Variants in CASZ1 observed in about 807,000 individuals in gnomAD.
The protein encoded by CASZ1 is zinc finger protein castor homolog 1.
In CASZ1, 28 loss-of-function variants were observed where a neutral mutation model predicts 135.2. That is an observed-to-expected ratio of 0.21 (90% confidence interval 0.15 to 0.28). The LOEUF is 0.28. CASZ1 is among the 10% of genes least tolerant of loss of function. CASZ1 has a pLI of 1.00. For missense variants in CASZ1, 2,161 were observed against 2,453.3 expected (o/e 0.88, Z 2.52); for synonymous variants, 1,068 against 1,073.4 (o/e 0.99, Z 0.10).
rs79583899 is a variant in CASZ1 at position 10,675,627 on chromosome 1, G to C, written c.17-10056C>G. ...ACTGCGGGCATTAGGAGACCCTGCA[G>C]TTAATGATTCCTGGGGCTGGACCCC... On this transcript the variant is annotated intron_variant, in intron 4 of 20. Coordinates refer to ENST00000377022, the MANE Select transcript of CASZ1 (RefSeq NM_001079843.3). Among the ~76,000 whole-genome samples the C allele has an allele frequency of 3.2e-3, 491 of 152,284 alleles. 21 individuals are homozygous for C. In the East Asian group the frequency reaches 0.081, roughly 25 times the overall value.
rs746020757 is a variant in CASZ1, at chr1:10,649,157, T to A, written c.3071A>T (p.Asp1024Val). The A allele has an allele frequency of 6.2e-7, 1 of 1,613,746 alleles. No individual in the cohort carries two copies. The highest frequency in any genetic ancestry group is 8.5e-7 in the Non-Finnish European group (1 of 1,179,990). ...GTKDFCDGQC[D>V]FLHKAHFHCV... is the part of the protein sequence containing the mutation. ...GTGGAAGTGGGCCTTGTGGAGGAAGTCACACTGGCCGTCACAGAAGTCCTT... is the reference window on the plus strand; with the variant it reads ...GTGGAAGTGGGCCTTGTGGAGGAAGACACACTGGCCGTCACAGAAGTCCTT... Residue 1024 changes from aspartate to valine, a missense_variant, in exon 15 of 21, where the codon GAC becomes GTC. Asp to Val is a radical substitution (Grantham distance 152). This residue lies in a region of CASZ1 where 349 missense variants were observed against 460.8 expected (regional missense o/e 0.76). Coordinates refer to ENST00000377022, the MANE Select transcript of CASZ1 (RefSeq NM_001079843.3).
intron 5 of CASZ1, among the ~76,000 whole-genome samples, chr1:10,664,600 C>T (rs1643166175): frequency 1.3e-5 from 2 of 151,992 alleles, no homozygotes; most frequent in South Asian, 2.1e-4. Context: ...GAGAACAAAG[C>T]TTGTCCTGGG....
In CASZ1 at chr1:10,644,942, G is replaced by A; in HGVS notation, c.3843C>T (p.Thr1281=). 1 of 1,613,850 alleles carries A rather than the reference G, an allele frequency of 6.2e-7. No homozygotes were observed. Among genetic ancestry groups the A allele is most frequent in the East Asian group, 2.2e-5 (1 of 44,878 alleles). The change falls in exon 18 of 21, where the codon ACC becomes ACT. Residue 1281 remains threonine, a synonymous_variant. Transcript: ENST00000377022. ...CTAGCCTGCCACACTCCTCGCGCTT[G>A]GTGAAGTATTTGAAGCCATTGGCTG... is the stretch of plus-strand genomic sequence containing the variant. ...RRAANGFKYF[T]KREECGRLGC...
At chr1:10,714,974 A>G (rs1242413973) in intron 2 of CASZ1, among the ~76,000 whole-genome samples, 1 of 151,888 alleles carries the variant, frequency 6.6e-6, no homozygotes, top group Non-Finnish European at 1.5e-5. Context: ...TATGAGACCC[A>G]CCTGCCGCCG....
In CASZ1 at chr1:10,741,454, C is replaced by T. The variant is rs2100532492; in HGVS notation, c.-77+19247G>A. Among the ~76,000 whole-genome samples, 1 of 152,252 alleles carries T rather than the reference C, an allele frequency of 6.6e-6. No homozygotes were observed. Among genetic ancestry groups the T allele is most frequent in the African/African-American group, 2.4e-5 (1 of 41,540 alleles). ...AGCACTGGCCCAGGCTGAGGGTGCT[C>T]AGCGCACACAGCTCTCCAGTAAAGA... is the stretch of plus-strand genomic sequence containing the variant. On this transcript the variant is annotated intron_variant, in intron 2 of 20. Transcript: ENST00000377022. The surrounding 1 kb of genome is among the most constrained non-coding windows in gnomAD (Gnocchi z 5.0).
chr1:10,761,342 T>G (rs1287027060), intron 1 of CASZ1, among the ~76,000 whole-genome samples: 1 of 152,210 alleles, frequency 6.6e-6, no homozygotes, highest in Admixed American at 6.5e-5. Context: ...CCCTGACCCC[T>G]GGGTGGCCTT....
At position 10,761,804 on chromosome 1, in the gene CASZ1, C is replaced by T. The variant is rs143711013; in HGVS notation, c.-233-947G>A. Among the ~76,000 whole-genome samples, 278 of 152,322 alleles carry T rather than the reference C, an allele frequency of 1.8e-3. 1 individual carries two copies. Among genetic ancestry groups the T allele is most frequent in the Non-Finnish European group, 2.3e-3 (159 of 68,030 alleles). Reference sequence around the variant, plus strand: ...GTACGACCTCCCAGCCCTGGAAGCCCGGCCTCGTGGATGTGAGAATGGGGT... The same window carrying T: ...GTACGACCTCCCAGCCCTGGAAGCCTGGCCTCGTGGATGTGAGAATGGGGT... On this transcript the variant is annotated intron_variant, in intron 1 of 20. Transcript: ENST00000377022.
chr1:10,761,930 C>G (rs1379069443), intron 1 of CASZ1, among the ~76,000 whole-genome samples: 2 of 152,150 alleles, frequency 1.3e-5, no homozygotes, highest in Non-Finnish European at 2.9e-5. Flanking sequence ...CCTTTCCTTC[C>G]CCCTTTGCGG....
At chr1:10,786,526 C>A (rs1640862521) in intron 1 of CASZ1, among the ~76,000 whole-genome samples, 1 of 152,232 alleles carries the variant, frequency 6.6e-6, no homozygotes, top group Admixed American at 6.5e-5. Context: ...GCAAGTGTTT[C>A]CGTGTCCTCT....
In CASZ1 at chr1:10,720,847, C is replaced by T. The variant is rs1020966748; in HGVS notation, c.-76-15303G>A. On this transcript the variant is annotated intron_variant, in intron 2 of 20. Transcript: ENST00000377022. This position sits in a 1 kb window ranked among gnomAD's most constrained non-coding sequence, Gnocchi z 5.7. ...GGAGGGTTAGGGCTGGCCAAGGGAC[C>T]AAGGGGAGAGGCAGGCATGGGTGCC... Among the ~76,000 whole-genome samples, 1 of 152,096 alleles carries T rather than the reference C, an allele frequency of 6.6e-6. No homozygotes were observed. Among genetic ancestry groups the T allele is most frequent in the Non-Finnish European group, 1.5e-5 (1 of 68,008 alleles).
chr1:10,640,168 T>C (rs1418835680), intron 20 of CASZ1, 109 bp from the exon 21 acceptor site: 21 of 1,477,336 alleles, frequency 1.4e-5, no homozygotes, highest in African/African-American at 1.1e-4. Context: ...GAGGGCGGCA[T>C]TTAGGGAGCC....
At chr1:10,758,328 C>CTTTTTT (rs756390835) in intron 2 of CASZ1, among the ~76,000 whole-genome samples, 1 of 134,364 alleles carries the variant, frequency 7.4e-6, no homozygotes, top group African/African-American at 2.9e-5. Context: ...CTCTCTCTCT[C>CTTTTTT]TTTTTTTTTT....
In CASZ1 at chr1:10,717,855, A is replaced by G. The variant is rs1254034525; in HGVS notation, c.-76-12311T>C. 3.9e-5 allele frequency among the ~76,000 whole-genome samples: 6 copies of G among 152,238 alleles called. No homozygotes were observed. Among genetic ancestry groups the G allele is most frequent in the Non-Finnish European group, 8.8e-5 (6 of 68,032 alleles). ...ATAAACAGAACAATCCTGTGGTAGG[A>G]CAACAGCCATCAGTGGGAGGAAGAG... is the stretch of plus-strand genomic sequence containing the variant. On this transcript the variant is annotated intron_variant, in intron 2 of 20. Transcript: ENST00000377022. This position sits in a 1 kb window ranked among gnomAD's most constrained non-coding sequence, Gnocchi z 4.6.
intron 3 of CASZ1, among the ~76,000 whole-genome samples, chr1:10,702,931 C>T (rs1453579436): frequency 2.0e-5 from 3 of 149,862 alleles, no homozygotes; most frequent in East Asian, 2.0e-4. Flanking sequence ...TAAAGCCTTC[C>T]GAGTAGATGA....
At position 10,794,134 on chromosome 1, in the gene CASZ1, CGT is replaced by C. The variant is rs1462871263; in HGVS notation, c.-234+2428_-234+2429del. 6.6e-6 allele frequency among the ~76,000 whole-genome samples: 1 copy of C among 151,314 alleles called. No homozygotes were observed. The highest frequency in any genetic ancestry group is 2.4e-5 in the African/African-American group (1 of 41,120). Reference sequence around the variant, plus strand: ...GGGACAGCTCCCTTTAGGACGGCGACGTGTGTGTGTGCGCGTGTGTGTGCGTG... The same window carrying C: ...GGGACAGCTCCCTTTAGGACGGCGACGTGTGTGTGCGCGTGTGTGTGCGTG... On this transcript the variant is annotated intron_variant, in intron 1 of 20. Coordinates refer to ENST00000377022, the MANE Select transcript of CASZ1 (RefSeq NM_001079843.3). This position sits in a 1 kb window ranked among gnomAD's most constrained non-coding sequence, Gnocchi z 5.6.
At position 10,700,425 on chromosome 1, in the gene CASZ1, G is replaced by A. The variant is rs1205156402; in HGVS notation, c.-24+5067C>T. Among the ~76,000 whole-genome samples the A allele has an allele frequency of 6.6e-6, 1 of 152,196 alleles. No individual in the cohort carries two copies. Among genetic ancestry groups the A allele is most frequent in the Non-Finnish European group, 1.5e-5 (1 of 68,030 alleles). ...CCCGCTGTCCTTATGGGAGGTGTGA[G>A]GTTTTCTATGTGGAGCTGCCAGCGT... On this transcript the variant is annotated intron_variant, in intron 3 of 20. Coordinates refer to ENST00000377022, the MANE Select transcript of CASZ1 (RefSeq NM_001079843.3). The surrounding 1 kb of genome is among the most constrained non-coding windows in gnomAD (Gnocchi z 4.2).
In CASZ1 at chr1:10,700,174, G is replaced by A. The variant is rs1424248215; in HGVS notation, c.-24+5318C>T. On this transcript the variant is annotated intron_variant, in intron 3 of 20. Coordinates refer to ENST00000377022, the MANE Select transcript of CASZ1 (RefSeq NM_001079843.3). This position sits in a 1 kb window ranked among gnomAD's most constrained non-coding sequence, Gnocchi z 4.2. ...TTGCCCTGTGGGCCTGGCCCAGCCT[G>A]TGGCCCCAGCCCGGGCGGGGACCTG... Among the ~76,000 whole-genome samples the A allele has an allele frequency of 6.6e-6, 1 of 152,042 alleles. No individual in the cohort carries two copies. Among genetic ancestry groups the A allele is most frequent in the African/African-American group, 2.4e-5 (1 of 41,376 alleles).
chr1:10,713,303 T>G (rs546455978), intron 2 of CASZ1, among the ~76,000 whole-genome samples: 1 of 152,300 alleles, frequency 6.6e-6, no homozygotes, highest in South Asian at 2.1e-4. Context: ...ATTTATTTAT[T>G]TTGTTACTTA....
chr1:10,782,711 C>T (rs367717409), intron 1 of CASZ1, among the ~76,000 whole-genome samples: 3 of 150,486 alleles, frequency 2.0e-5, no homozygotes, highest in African/African-American at 4.9e-5. Context: ...TTAACTCATT[C>T]GGGATCGCTG....
Sources: allele counts gnomAD v4.1 joint callset (sites outside exome capture counted in the v4.1 genomes callset), GRCh38; gene constraint gnomAD v4.1.1; regional missense constraint gnomAD v4.1.1; non-coding constraint Gnocchi (gnomAD v3.1); transcripts MANE v1.5; gene names NCBI Gene and HGNC (gene_info 2026-07-23, HGNC 2026-07-21).